Variants in RNF13 observed in about 807,000 individuals in gnomAD.
RNF13 encodes ring finger protein 13.
Under a neutral mutation model 37.7 loss-of-function variants are expected in RNF13, and 19 were observed. The observed-to-expected ratio is 0.50, with a 90% confidence interval of 0.35 to 0.74. The LOEUF is 0.74. Among genes scored for constraint, RNF13 ranks in the 30% least tolerant of loss-of-function variants. RNF13 has a pLI of 0.01. For synonymous variants in RNF13, 144 were observed against 157.8 expected (o/e 0.91, Z 0.65); for missense variants, 375 against 453.0 (o/e 0.83, Z 1.56).
rs185217102 is a variant in RNF13 at position 149,847,500 on chromosome 3, T to C, written c.114+1360T>C. 2.6e-5 allele frequency among the ~76,000 whole-genome samples: 4 copies of C among 152,232 alleles called. No homozygotes were observed. The East Asian group carries it at 7.7e-4, about 29-fold the overall frequency. On this transcript the variant is annotated intron_variant, in intron 2 of 9. Transcript: ENST00000392894. ...GTAGCACTTGAGAGAGCCAGGCTGG[T>C]TTCCATACCACAGCTTTTGAAGGCA...
chr3:149,911,854 T>A (rs1387668814), intron 6 of RNF13, 124 bp from the exon 7 acceptor site: 1 of 625,012 alleles, frequency 1.6e-6, no homozygotes, highest in Non-Finnish European at 2.8e-6. Flanking sequence ...AAATGAAATG[T>A]ATGTAGTGGA....
At chr3:149,857,833 A>G (rs1444200050) in intron 3 of RNF13, among the ~76,000 whole-genome samples, 1 of 152,188 alleles carries the variant, frequency 6.6e-6, no homozygotes, top group Non-Finnish European at 1.5e-5. Context: ...AAGAATCATT[A>G]TTGAGTAGTT....
chr3:149,813,559 A>G (rs898130445), intron 1 of RNF13, among the ~76,000 whole-genome samples: 1 of 151,818 alleles, frequency 6.6e-6, no homozygotes, highest in Non-Finnish European at 1.5e-5. Context: ...TCTCCCCTGC[A>G]CTCTCATTCC....
At chr3:149,850,525 C>A (rs1279965009) in intron 2 of RNF13, among the ~76,000 whole-genome samples, 1 of 152,212 alleles carries the variant, frequency 6.6e-6, no homozygotes, top group Non-Finnish European at 1.5e-5. Flanking sequence ...CTCAGTGTTA[C>A]AAGTACTGTA....
At chr3:149,936,682 A>G (rs1192594503) in intron 8 of RNF13, among the ~76,000 whole-genome samples, 1 of 152,126 alleles carries the variant, frequency 6.6e-6, no homozygotes, top group African/African-American at 2.4e-5. Context: ...TCTTGATCAG[A>G]GAACTTACAC....
chr3:149,937,284 T>C (rs1242729625), intron 8 of RNF13, among the ~76,000 whole-genome samples: 1 of 152,172 alleles, frequency 6.6e-6, no homozygotes, highest in African/African-American at 2.4e-5. Flanking sequence ...GTAGGGAAAC[T>C]GGCTGTCTAC....
intron 3 of RNF13, among the ~76,000 whole-genome samples, chr3:149,856,604 C>T (rs148988021): frequency 9.2e-5 from 14 of 151,752 alleles, no homozygotes; most frequent in South Asian, 2.1e-4. Context: ...CTACTGTGCC[C>T]GGCTAATTTT....
Position 149,835,842 on chromosome 3 carries a change from G to GTGGGATTGATGGATCCCCAGTAC in RNF13, c.-16-10161_-16-10160insATGGATCCCCAGTACTGGGATTG, listed in dbSNP as rs1721568619. On this transcript the variant is annotated intron_variant, in intron 1 of 9. Transcript: ENST00000392894. ...GGTTGGGATTGCTGGATCCCCAGTA[G>GTGGGATTGATGGATCCCCAGTAC]TGGGATTGCTGGATCCCCAGTACTG... 2.0e-3 allele frequency among the ~76,000 whole-genome samples: 274 copies of GTGGGATTGATGGATCCCCAGTAC among 137,600 alleles called. 1 individual carries two copies. Among genetic ancestry groups the GTGGGATTGATGGATCCCCAGTAC allele is most frequent in the African/African-American group, 7.7e-3 (262 of 34,202 alleles). The allele number at this position is 137,600 out of a possible 152,430, so 90.3% of individuals were successfully genotyped here.
intron 9 of RNF13, 40 bp from the exon 10 acceptor site, chr3:149,960,700 C>A: frequency 1.3e-6 from 2 of 1,543,622 alleles, no homozygotes; most frequent in East Asian, 2.3e-5. Flanking sequence ...AAGTATCAAC[C>A]GCAGCATACT....
At chr3:149,940,105 TTCA>T (rs1720104998) in intron 8 of RNF13, among the ~76,000 whole-genome samples, 1 of 152,204 alleles carries the variant, frequency 6.6e-6, no homozygotes, top group African/African-American at 2.4e-5. Context: ...TCAATCTTTT[TTCA>T]TCATTTGTGG....
At chr3:149,926,249 TC>T (rs1718637513) in intron 8 of RNF13, among the ~76,000 whole-genome samples, 2 of 152,298 alleles carry the variant, frequency 1.3e-5, no homozygotes, top group Middle Eastern at 6.8e-3. Context: ...TCTCGCTCTG[TC>T]CCCTAGGCTG....
intron 4 of RNF13, among the ~76,000 whole-genome samples, chr3:149,883,294 T>A (rs1400126383): frequency 2.0e-5 from 3 of 152,088 alleles, no homozygotes; most frequent in Admixed American, 2.0e-4. Context: ...GTTTAATAAT[T>A]TCTATTCCTT....
Position 149,878,800 on chromosome 3 carries a change from T to C in RNF13, c.321+6646T>C, listed in dbSNP as rs934485965. Among the ~76,000 whole-genome samples, 5 of 152,342 alleles carry C rather than the reference T, an allele frequency of 3.3e-5. No homozygotes were observed. The East Asian group carries it at 9.6e-4, about 29-fold the overall frequency. On this transcript the variant is annotated intron_variant, in intron 4 of 9. Coordinates refer to ENST00000392894, the MANE Select transcript of RNF13 (RefSeq NM_183381.3). ...CTTCCCTTATAGAATAAGTACTTTTTCTCCTCTATTAGACATCTGGGTGGG... is the reference window on the plus strand; with the variant it reads ...CTTCCCTTATAGAATAAGTACTTTTCCTCCTCTATTAGACATCTGGGTGGG...
chr3:149,923,024 CAT>C (rs1423250215), intron 8 of RNF13, among the ~76,000 whole-genome samples: 1 of 151,700 alleles, frequency 6.6e-6, no homozygotes, highest in African/African-American at 2.4e-5. Flanking sequence ...GGCAATAAAA[CAT>C]AGTTCTGCCA....
intron 3 of RNF13, 141 bp from the exon 4 acceptor site, chr3:149,871,888 T>C: frequency 1.9e-6 from 1 of 525,440 alleles, no homozygotes; most frequent in Non-Finnish European, 3.1e-6. Context: ...AGAAGTTCCG[T>C]GATTGTGAGC....
chr3:149,821,629 T>A (rs1397979336), intron 1 of RNF13, among the ~76,000 whole-genome samples: 1 of 152,146 alleles, frequency 6.6e-6, no homozygotes, highest in Non-Finnish European at 1.5e-5. Flanking sequence ...TTTTTTCAAT[T>A]TTTTGATAAT....
At chr3:149,899,251 A>C (rs1327205125) in intron 5 of RNF13, among the ~76,000 whole-genome samples, 2 of 152,146 alleles carry the variant, frequency 1.3e-5, no homozygotes, top group Non-Finnish European at 2.9e-5. Context: ...TTCAAGACCA[A>C]CCTTGGCAAC....
intron 4 of RNF13, among the ~76,000 whole-genome samples, chr3:149,881,248 A>G (rs1054988421): frequency 7.2e-5 from 11 of 152,198 alleles, no homozygotes; most frequent in Non-Finnish European, 1.3e-4. Context: ...TTTAGTAGTA[A>G]ATTGTGTCTC....
intron 3 of RNF13, among the ~76,000 whole-genome samples, chr3:149,864,210 G>T (rs1174677409): frequency 6.6e-6 from 1 of 151,818 alleles, no homozygotes; most frequent in Non-Finnish European, 1.5e-5. Flanking sequence ...CTGCTGTAAT[G>T]AATGAATTCT....
Sources: allele counts gnomAD v4.1 joint callset (sites outside exome capture counted in the v4.1 genomes callset), GRCh38; gene constraint gnomAD v4.1.1; transcripts MANE v1.5; gene names NCBI Gene and HGNC (gene_info 2026-07-23, HGNC 2026-07-21).